The following TYW1 variants were observed in gnomAD, a reference collection of about 807,000 sequenced individuals.
The protein encoded by TYW1 is S-adenosyl-L-methionine-dependent tRNA 4-demethylwyosine synthase TYW1.
Under a neutral mutation model 96.2 loss-of-function variants are expected in TYW1, and 46 were observed. The ratio of observed to expected loss-of-function variants is 0.48; its 90% CI spans 0.38 to 0.61. The LOEUF (loss-of-function observed/expected upper bound fraction) is 0.61, where lower values mean the gene tolerates loss of function less well. Ranked by LOEUF, TYW1 falls within the 20% of genes least tolerant of loss-of-function variation. TYW1 has a pLI of 0.00. For synonymous variants in TYW1, 274 were observed against 323.0 expected, an observed-to-expected ratio of 0.85 and a Z score of 1.63; for missense variants, 684 against 909.6, an observed-to-expected ratio of 0.75 and a Z score of 3.19.
rs868392408 is a variant in TYW1 at position 67,077,944 on chromosome 7, A to C, written c.1275-5486A>C. ...GTATATTGTCTTTCCCCACTGCATG[A>C]CCTTGGCACCTTAGTCAAAAATTGG... On this transcript the variant is annotated intron_variant, in intron 10 of 15. Transcript: ENST00000359626. Among the ~76,000 whole-genome samples, 755 of 152,194 alleles carry C rather than the reference A, an allele frequency of 5.0e-3. 1 individual carries two copies. Among genetic ancestry groups the C allele is most frequent in the Middle Eastern group, 0.01 (3 of 294 alleles).
chr7:67,037,680 T>A (rs1271017971), intron 7 of TYW1, among the ~76,000 whole-genome samples: 6 of 152,016 alleles, frequency 3.9e-5, no homozygotes, highest in African/African-American at 7.2e-5. Context: ...CATAAAAAAA[T>A]ATCCCAGGCT....
At chr7:67,167,764 T>C (rs1302772986) in intron 13 of TYW1, among the ~76,000 whole-genome samples, 1 of 151,728 alleles carries the variant, frequency 6.6e-6, no homozygotes, top group East Asian at 1.9e-4. Context: ...TTATATTTAT[T>C]GATTGATTGA....
intron 11 of TYW1, among the ~76,000 whole-genome samples, chr7:67,091,972 T>C (rs985376981): frequency 2.6e-5 from 4 of 152,210 alleles, no homozygotes; most frequent in African/African-American, 9.7e-5. Flanking sequence ...TCCTCGTGGC[T>C]GCTCTGTGGT....
intron 7 of TYW1, among the ~76,000 whole-genome samples, chr7:67,032,885 CTTTTTTTTTT>C (rs778743156): frequency 2.5e-4 from 19 of 76,276 alleles, no homozygotes; most frequent in African/African-American, 3.0e-4. Flanking sequence ...AGAAGTATAC[CTTTTTTTTTT>C]TTTTTTTTTT....
chr7:67,191,258 C>T (rs901343201), intron 14 of TYW1, among the ~76,000 whole-genome samples: 31 of 152,320 alleles, frequency 2.0e-4, no homozygotes, highest in African/African-American at 6.7e-4. Flanking sequence ...GAGGTTTGAA[C>T]GCTCAGATAG....
At chr7:67,123,037 A>T (rs1797806685) in intron 13 of TYW1, among the ~76,000 whole-genome samples, 3 of 152,142 alleles carry the variant, frequency 2.0e-5, no homozygotes, top group Admixed American at 6.6e-5. Context: ...GTAGTCAATG[A>T]AATATATCTT....
chr7:67,013,739 C>CTTTTTTTTTTTTTTTT (rs931500833), intron 4 of TYW1, among the ~76,000 whole-genome samples: 1 of 97,516 alleles, frequency 1.0e-5, no homozygotes, highest in Non-Finnish European at 1.9e-5. Context: ...GCATTTTTTC[C>CTTTTTTTTTTTTTTTT]TTTTTTTTTT....
intron 15 of TYW1, among the ~76,000 whole-genome samples, chr7:67,204,237 C>T (rs1171869591): frequency 6.6e-6 from 1 of 152,052 alleles, no homozygotes; most frequent in African/African-American, 2.4e-5. Context: ...TCTGATGACA[C>T]AAATGTTAGA....
intron 13 of TYW1, among the ~76,000 whole-genome samples, chr7:67,169,271 G>A (rs1405835654): frequency 6.6e-6 from 1 of 151,886 alleles, no homozygotes; most frequent in African/African-American, 2.4e-5. Flanking sequence ...TAATTTAGTG[G>A]CTTTTAGTTT....
intron 10 of TYW1, among the ~76,000 whole-genome samples, chr7:67,075,169 A>G (rs1283825284): frequency 1.3e-5 from 2 of 152,130 alleles, no homozygotes; most frequent in African/African-American, 4.8e-5. Flanking sequence ...TGTTCCACCA[A>G]TTTTCAGAAG....
In TYW1 at chr7:67,095,698, A is replaced by ACAG. The variant is rs1307959075; in HGVS notation, c.1385-2823_1385-2821dup. Among the ~76,000 whole-genome samples, 120 of 102,450 alleles carry ACAG rather than the reference A, an allele frequency of 1.2e-3. 1 individual carries two copies. The highest frequency in any genetic ancestry group is 5.1e-3 in the Middle Eastern group (1 of 198). The allele number at this position is 102,450 out of a possible 152,430, so 67.2% of individuals were successfully genotyped here. A position where few individuals can be genotyped will look rare whatever the true frequency, so the allele number is the denominator to read the frequency against. On this transcript the variant is annotated intron_variant, in intron 11 of 15. Transcript: ENST00000359626. ...AACAACAACAACAACAACAACAACAACAGCAGCAGCAGCAGCAGCAGCCCC... is the reference window on the plus strand; with the variant it reads ...AACAACAACAACAACAACAACAACAACAGCAGCAGCAGCAGCAGCAGCAGCCCC...
At chr7:67,041,881 A>G (rs958212416) in intron 7 of TYW1, among the ~76,000 whole-genome samples, 3 of 151,930 alleles carry the variant, frequency 2.0e-5, no homozygotes, top group Non-Finnish European at 2.9e-5. Flanking sequence ...AGATAACAGT[A>G]TCTGCCTTAT....
At chr7:67,053,578 C>T (rs1255394884) in intron 8 of TYW1, among the ~76,000 whole-genome samples, 3 of 152,046 alleles carry the variant, frequency 2.0e-5, no homozygotes, top group Admixed American at 6.6e-5. Context: ...CAGGGTTTCA[C>T]CATGTTGATC....
chr7:67,199,317 T>G (rs1172032246), intron 15 of TYW1, among the ~76,000 whole-genome samples: 1 of 152,256 alleles, frequency 6.6e-6, no homozygotes, highest in African/African-American at 2.4e-5. Context: ...CGTGTCCTTT[T>G]CAGCGTGTCA....
At chr7:67,001,096 AT>A (rs1793371401) in intron 3 of TYW1, among the ~76,000 whole-genome samples, 1 of 152,024 alleles carries the variant, frequency 6.6e-6, no homozygotes, top group African/African-American at 2.4e-5. Flanking sequence ...TTTAAAAAAA[AT>A]GATCAAAAAG....
At chr7:67,170,740 T>A (rs1035391370) in intron 13 of TYW1, among the ~76,000 whole-genome samples, 11 of 152,186 alleles carry the variant, frequency 7.2e-5, no homozygotes, top group African/African-American at 2.7e-4. Flanking sequence ...GGAAATTTCA[T>A]ATAAATGGAT....
chr7:67,071,508 A>G (rs1279298845), intron 10 of TYW1, among the ~76,000 whole-genome samples: 8 of 151,106 alleles, frequency 5.3e-5, no homozygotes, highest in African/African-American at 1.9e-4. Flanking sequence ...GCTGTAGTAC[A>G]GTGGTGGAAT....
intron 6 of TYW1, among the ~76,000 whole-genome samples, chr7:67,018,943 G>A (rs1794121368): frequency 8.8e-6 from 1 of 113,032 alleles, no homozygotes; most frequent in African/African-American, 3.2e-5. Flanking sequence ...GCGACAGAGT[G>A]AGACTCAGTC....
intron 14 of TYW1, among the ~76,000 whole-genome samples, chr7:67,191,285 C>T (rs564408432): frequency 1.3e-5 from 2 of 152,270 alleles, no homozygotes; most frequent in South Asian, 2.1e-4. Context: ...TATAGCAGCC[C>T]CCATCTCCTA....
Sources: allele counts gnomAD v4.1 joint callset (sites outside exome capture counted in the v4.1 genomes callset), GRCh38; gene constraint gnomAD v4.1.1; transcripts MANE v1.5; gene names NCBI Gene and HGNC (gene_info 2026-07-23, HGNC 2026-07-21).